Variants in MNDA observed in about 807,000 individuals in gnomAD.
MNDA encodes myeloid cell nuclear differentiation antigen.
A neutral mutation model predicts 37.8 loss-of-function variants in MNDA; 43 were observed. The observed-to-expected ratio is 1.14, with a 90% confidence interval of 0.89 to 1.47. MNDA has a LOEUF of 1.47. Ranked by LOEUF, MNDA falls within the 40% of genes most tolerant of loss-of-function variation. The pLI, the probability that MNDA is intolerant of heterozygous loss-of-function variation, is 0.00. For missense variants in MNDA, 536 were observed against 476.0 expected (o/e 1.13, Z -1.17); for synonymous variants, 181 against 169.0 (o/e 1.07, Z -0.55).
rs530152871 is a variant in MNDA at position 158,849,431 on chromosome 1, T to G, written c.*194T>G. The G allele has an allele frequency of 1.3e-4, 60 of 465,700 alleles. No homozygotes were observed. The highest frequency in any genetic ancestry group is 2.3e-4 in the Non-Finnish European group (59 of 258,564). 28.8% of individuals were successfully genotyped at this position (465,700 alleles called of 1,614,324 possible). On this transcript the variant is annotated 3_prime_UTR_variant, in exon 7 of 7. Transcript: ENST00000368141. ...TAAAATTTTCTTCTTATACTCTTCCTTTTTTTTAGATATTACATTTTGCTT... is the reference window on the plus strand; with the variant it reads ...TAAAATTTTCTTCTTATACTCTTCCGTTTTTTTAGATATTACATTTTGCTT...
Position 158,845,724 on chromosome 1 carries a change from T to C in MNDA, c.708T>C (p.Phe236=), listed in dbSNP as rs569229227. The C allele has an allele frequency of 3.9e-5, 63 of 1,614,168 alleles. No individual in the cohort carries two copies. The South Asian group carries it at 6.6e-4, about 17-fold the overall frequency. ...CAGAAAATGGGAAAAGCACAATGTTTCATGCTACAGTGGCCAGTAAGACTC... is the reference window on the plus strand; with the variant it reads ...CAGAAAATGGGAAAAGCACAATGTTCCATGCTACAGTGGCCAGTAAGACTC... ...ESPENGKSTM[F]HATVASKTQY... Residue 236 remains phenylalanine, a synonymous_variant, in exon 5 of 7, where the codon TTT becomes TTC. Coordinates refer to ENST00000368141, the MANE Select transcript of MNDA (RefSeq NM_002432.3).
chr1:158,849,429 C>T lies in MNDA; in HGVS notation c.*192C>T. The T allele has an allele frequency of 4.1e-6, 2 of 482,320 alleles. No individual in the cohort carries two copies. The highest frequency in any genetic ancestry group is 7.4e-6 in the Non-Finnish European group (2 of 270,322). The allele number at this position is 482,320 out of a possible 1,614,324, so 29.9% of individuals were successfully genotyped here. ...AATAAAATTTTCTTCTTATACTCTT[C>T]CTTTTTTTTAGATATTACATTTTGC... On this transcript the variant is annotated 3_prime_UTR_variant, in exon 7 of 7. Coordinates refer to ENST00000368141, the MANE Select transcript of MNDA (RefSeq NM_002432.3).
chr1:158,843,194 C>G (rs918915478), intron 2 of MNDA, 85 bp from the exon 3 acceptor site: 6 of 1,474,696 alleles, frequency 4.1e-6, no homozygotes, highest in Non-Finnish European at 5.4e-6. Flanking sequence ...GAGCTGACAG[C>G]AGGTAATATT....
intron 1 of MNDA, among the ~76,000 whole-genome samples, chr1:158,838,148 A>T (rs1434249984): frequency 6.6e-6 from 1 of 151,932 alleles, no homozygotes; most frequent in East Asian, 1.9e-4. Flanking sequence ...GTCATGTTTC[A>T]TGTTTATGTA....
chr1:158,849,176 A>G lies in MNDA; in HGVS notation c.1177-14A>G, dbSNP rs1221565419. 1 of 1,600,124 alleles carries G rather than the reference A, an allele frequency of 6.2e-7. No individual in the cohort carries two copies. The highest frequency in any genetic ancestry group is 8.5e-7 in the Non-Finnish European group (1 of 1,170,214). ...TCTAGGGTCTCATTATGTCTTTCTTATCTCTCTTTAAAGGTCATCAAGGCC... is the reference window on the plus strand; with the variant it reads ...TCTAGGGTCTCATTATGTCTTTCTTGTCTCTCTTTAAAGGTCATCAAGGCC... On this transcript the variant is annotated splice_polypyrimidine_tract_variant and intron_variant, in intron 6 of 6. Coordinates refer to ENST00000368141, the MANE Select transcript of MNDA (RefSeq NM_002432.3).
At chr1:158,849,009 G>A (rs1262025870) in intron 6 of MNDA, among the ~76,000 whole-genome samples, 181 bp from the exon 7 acceptor site, 2 of 152,108 alleles carry the variant, frequency 1.3e-5, no homozygotes, top group East Asian at 3.9e-4. Context: ...GTTAATGGGG[G>A]GAAAATGAGT....
Position 158,844,020 on chromosome 1 carries a change from T to A in MNDA, c.468T>A (p.Ser156Arg), listed in dbSNP as rs35417083. ...AKRNKVSQEQ[S>R]KPPGPSGAST... Reference sequence around the variant, plus strand: ...GGAATAAGGTGTCCCAAGAGCAGAGTAAGCCCCCAGGTCCCTCAGGAGCCA... The same window carrying A: ...GGAATAAGGTGTCCCAAGAGCAGAGAAAGCCCCCAGGTCCCTCAGGAGCCA... The change falls in exon 4 of 7, where the codon AGT (serine) becomes AGA (arginine). Residue 156 changes from serine (S) to arginine (R), a missense_variant. Transcript: ENST00000368141. 2,529 of 1,613,464 alleles carry A rather than the reference T, an allele frequency of 1.6e-3. 39 individuals are homozygous for A. In the African/African-American group the frequency reaches 0.029, roughly 18 times the overall value.
At chr1:158,842,109 GTT>G (rs2102049391) in intron 1 of MNDA, 23 bp from the exon 2 acceptor site, 1 of 1,552,802 alleles carries the variant, frequency 6.4e-7, no homozygotes, top group South Asian at 1.2e-5. Context: ...AATGTGTAAT[GTT>G]GTGTGTCATT....
Position 158,842,279 on chromosome 1 carries a change from A to T in MNDA, c.126A>T (p.Glu42Asp), listed in dbSNP as rs1245584050. Residue 42 changes from glutamate to aspartate, a missense_variant, in exon 2 of 7, where the codon GAA (glutamate) becomes GAT (aspartate). Coordinates refer to ENST00000368141, the MANE Select transcript of MNDA (RefSeq NM_002432.3). Reference sequence around the variant, plus strand: ...GACTAACTACAAAAATGCAAGAGGAATACAACAGAATTAAGATTACAGATT... The same window carrying T: ...GACTAACTACAAAAATGCAAGAGGATTACAACAGAATTAAGATTACAGATT... Reference protein sequence around the residue: ...DLGLTTKMQEEYNRIKITDLM... With the variant: ...DLGLTTKMQEDYNRIKITDLM... 6.2e-7 allele frequency: 1 copy of T among 1,614,196 alleles called. No individual in the cohort carries two copies. Among genetic ancestry groups the T allele is most frequent in the East Asian group, 2.2e-5 (1 of 44,874 alleles).
chr1:158,842,020 A>G, intron 1 of MNDA, 114 bp from the exon 2 acceptor site: 1 of 801,656 alleles, frequency 1.2e-6, no homozygotes. Context: ...CCTTTTTCTT[A>G]TACGCATCCA....
chr1:158,849,151 T>C, intron 6 of MNDA, 39 bp from the exon 7 acceptor site: 2 of 1,514,718 alleles, frequency 1.3e-6, no homozygotes, highest in Non-Finnish European at 1.8e-6. Flanking sequence ...CATTTCAATA[T>C]CTAGGGTCTC....
At chr1:158,833,941 A>T (rs1191419640) in intron 1 of MNDA, among the ~76,000 whole-genome samples, 1 of 152,116 alleles carries the variant, frequency 6.6e-6, no homozygotes, top group East Asian at 1.9e-4. Context: ...TTTTCATAGC[A>T]TCTGAACCAT....
At chr1:158,835,264 T>A (rs1249160828) in intron 1 of MNDA, among the ~76,000 whole-genome samples, 3 of 152,200 alleles carry the variant, frequency 2.0e-5, no homozygotes, top group Non-Finnish European at 1.5e-5. Context: ...CACAGATGCC[T>A]TCCCATGTAC....
intron 1 of MNDA, among the ~76,000 whole-genome samples, chr1:158,832,114 TTC>T (rs1031318434): frequency 2.0e-5 from 3 of 152,132 alleles, no homozygotes; most frequent in Non-Finnish European, 4.4e-5. Flanking sequence ...GAAGAAATAA[TTC>T]TCTTTTTCAA....
At chr1:158,833,311 G>T (rs1353682437) in intron 1 of MNDA, among the ~76,000 whole-genome samples, 1 of 152,082 alleles carries the variant, frequency 6.6e-6, no homozygotes, top group African/African-American at 2.4e-5. Flanking sequence ...TATAATAATT[G>T]TTTTCTTTTA....
intron 5 of MNDA, among the ~76,000 whole-genome samples, chr1:158,846,707 T>C (rs374615560): frequency 1.3e-5 from 2 of 152,200 alleles, no homozygotes; most frequent in East Asian, 3.9e-4. Context: ...ATGCATTCCA[T>C]CCCTTTCTCC....
intron 4 of MNDA, among the ~76,000 whole-genome samples, 192 bp from the exon 5 acceptor site, chr1:158,845,395 G>A (rs935679581): frequency 2.0e-5 from 3 of 152,064 alleles, no homozygotes; most frequent in Non-Finnish European, 2.9e-5. Context: ...CCGCTACAAC[G>A]CCCGGCTAGT....
chr1:158,832,686 C>A (rs1191315930), intron 1 of MNDA, among the ~76,000 whole-genome samples: 2 of 151,694 alleles, frequency 1.3e-5, no homozygotes, highest in Non-Finnish European at 2.9e-5. Flanking sequence ...TACTTATTGA[C>A]TTAAGCCTAT....
intron 4 of MNDA, 69 bp from the exon 5 acceptor site, chr1:158,845,518 G>T: frequency 6.7e-7 from 1 of 1,488,558 alleles, no homozygotes. Context: ...AGGATTACAG[G>T]CGTGAGCCAC....
Sources: gnomAD v4.1 joint callset for allele counts (sites outside exome capture counted in the v4.1 genomes callset) on GRCh38, gnomAD v4.1.1 for gene constraint, MANE v1.5 for transcripts, NCBI Gene and HGNC (gene_info 2026-07-23, HGNC 2026-07-21) for gene names.